Variants in ST7 observed in about 807,000 individuals in gnomAD.
ST7 encodes the protein suppressor of tumorigenicity 7 protein.
A neutral mutation model predicts 78.7 loss-of-function variants in ST7; 28 were observed. The ratio of observed to expected loss-of-function variants is 0.36; its 90% CI spans 0.26 to 0.49. The LOEUF is 0.49. Ranked by LOEUF, ST7 falls within the 20% of genes least tolerant of loss-of-function variation. The probability of loss-of-function intolerance (pLI) is 0.99; values close to 1 mark genes in which losing one functional copy is unlikely to be tolerated. For missense variants in ST7, 418 were observed against 696.0 expected (o/e 0.60, Z 4.49); for synonymous variants, 247 against 249.6 (o/e 0.99, Z 0.10).
chr7:116,993,649 G>A (rs1224097320), intron 1 of ST7, among the ~76,000 whole-genome samples: 1 of 152,234 alleles, frequency 6.6e-6, no homozygotes, highest in Non-Finnish European at 1.5e-5. Context: ...TTCAGTGTTT[G>A]GCATGGGCCA....
At chr7:117,147,112 C>T (rs1805856035) in intron 9 of ST7, among the ~76,000 whole-genome samples, 1 of 152,050 alleles carries the variant, frequency 6.6e-6, no homozygotes, top group Admixed American at 6.6e-5. Context: ...TTACTCAACA[C>T]TGTTTTTCAA....
intron 9 of ST7, among the ~76,000 whole-genome samples, chr7:117,149,592 C>CTTTTT (rs59067333): frequency 6.0e-5 from 5 of 83,954 alleles, no homozygotes; most frequent in Non-Finnish European, 1.2e-4. Flanking sequence ...CGTGTCCTAC[C>CTTTTT]TTTTTTTTTT....
intron 9 of ST7, among the ~76,000 whole-genome samples, chr7:117,145,880 C>T (rs966495482): frequency 5.3e-5 from 8 of 152,086 alleles, no homozygotes; most frequent in African/African-American, 1.9e-4. Context: ...CATGTTAAAC[C>T]CACTCTCAGC....
intron 6 of ST7, among the ~76,000 whole-genome samples, chr7:117,132,680 A>G (rs900193951): frequency 4.2e-5 from 6 of 144,036 alleles, no homozygotes; most frequent in African/African-American, 1.3e-4. Context: ...GATCTTAGGG[A>G]AAAAAAAAAA....
chr7:117,196,883 A>G (rs1045797150), intron 12 of ST7, among the ~76,000 whole-genome samples: 4 of 151,882 alleles, frequency 2.6e-5, no homozygotes, highest in Admixed American at 1.3e-4. Flanking sequence ...AATGTCATGA[A>G]GTTTTTCGCT....
At chr7:117,053,995 G>T (rs903310640) in intron 1 of ST7, among the ~76,000 whole-genome samples, 6 of 151,996 alleles carry the variant, frequency 3.9e-5, no homozygotes, top group African/African-American at 1.2e-4. Context: ...GCTCCACCAG[G>T]CCTGGCTAAT....
intron 1 of ST7, among the ~76,000 whole-genome samples, chr7:117,054,800 A>C (rs1462803937): frequency 6.6e-6 from 1 of 152,228 alleles, no homozygotes; most frequent in Non-Finnish European, 1.5e-5. Flanking sequence ...TGGACATGCC[A>C]GGAAAATGCA....
At chr7:117,149,592 C>CTTT (rs59067333) in intron 9 of ST7, among the ~76,000 whole-genome samples, 31 of 83,920 alleles carry the variant, frequency 3.7e-4, no homozygotes, top group Admixed American at 6.2e-4. Flanking sequence ...CGTGTCCTAC[C>CTTT]TTTTTTTTTT....
intron 10 of ST7, among the ~76,000 whole-genome samples, chr7:117,182,366 A>G (rs1052612332): frequency 3.9e-5 from 6 of 152,204 alleles, no homozygotes; most frequent in Non-Finnish European, 7.3e-5. Flanking sequence ...GGAAGAAGAT[A>G]TGGAGGGAGC....
At chr7:117,197,328 ACTT>A (rs1810411982) in intron 12 of ST7, among the ~76,000 whole-genome samples, 2 of 152,312 alleles carry the variant, frequency 1.3e-5, no homozygotes, top group African/African-American at 4.8e-5. Context: ...AGCGTAATCT[ACTT>A]CTTGAGTCCT....
At chr7:117,222,719 TC>T in intron 15 of ST7, 1 of 693,704 alleles carries the variant, frequency 1.4e-6, no homozygotes, top group Non-Finnish European at 2.6e-6. Context: ...AGTTTACTGA[TC>T]TTGCCACAGA....
chr7:117,143,622 A>G (rs1228126731), intron 9 of ST7, among the ~76,000 whole-genome samples: 1 of 152,130 alleles, frequency 6.6e-6, no homozygotes, highest in Non-Finnish European at 1.5e-5. Context: ...AACCCTTGAC[A>G]TTGGTGCTTG....
At chr7:117,169,137 CT>C (rs36088347) in intron 9 of ST7, among the ~76,000 whole-genome samples, 19,588 of 110,306 alleles carry the variant, frequency 0.18, 949 homozygotes, top group African/African-American at 0.28. Context: ...AATCTTCTTC[CT>C]TTTTTTTTTT....
intron 13 of ST7, among the ~76,000 whole-genome samples, chr7:117,211,038 G>A (rs1185081997): frequency 3.9e-5 from 6 of 151,942 alleles, no homozygotes; most frequent in Admixed American, 1.3e-4. Flanking sequence ...TCCCTTTTCC[G>A]GCCCTTCCCT....
At position 117,221,974 on chromosome 7, in the gene ST7, T is replaced by G; in HGVS notation, c.1550T>G (p.Leu517Arg). The G allele has an allele frequency of 6.2e-7, 1 of 1,613,196 alleles. No individual in the cohort carries two copies. The highest frequency in any genetic ancestry group is 8.5e-7 in the Non-Finnish European group (1 of 1,179,638). Residue 517 changes from leucine (L) to arginine (R), a missense_variant, in exon 15 of 16, where the codon CTC becomes CGC. Coordinates refer to ENST00000323984, the MANE Select transcript of ST7 (RefSeq NM_001369598.1). ...YPKKELPFFI[L>R]FTAGLCSFTA... ...AAGAAGGAGCTTCCCTTCTTTATTC[T>G]CTTTACTGCTGGATTATGTTCCTTC...
At chr7:116,963,595 T>C (rs1003130532) in intron 1 of ST7, among the ~76,000 whole-genome samples, 3 of 152,124 alleles carry the variant, frequency 2.0e-5, no homozygotes, top group African/African-American at 7.2e-5. Flanking sequence ...GTTACACTTA[T>C]ACTCTGTGGA....
At chr7:117,101,198 T>C (rs1469702879) in intron 2 of ST7, among the ~76,000 whole-genome samples, 1 of 152,198 alleles carries the variant, frequency 6.6e-6, no homozygotes, top group Admixed American at 6.5e-5. Flanking sequence ...ATTGTTAAAC[T>C]CGTGGCATGA....
chr7:117,012,266 G>T (rs1795416520), intron 1 of ST7, among the ~76,000 whole-genome samples: 2 of 151,330 alleles, frequency 1.3e-5, no homozygotes, highest in South Asian at 2.1e-4. Context: ...TTATTGGAAA[G>T]AACCTAGTTT....
chr7:117,190,989 C>G lies in ST7; in HGVS notation c.1254+53C>G, dbSNP rs1809723074. ...TCGTTATGATAGCAGAGAAAGCATT[C>G]ATTGACCACAGTGTTGTATCTCAAG... On this transcript the variant is annotated intron_variant, in intron 12 of 15. Coordinates refer to ENST00000323984, the MANE Select transcript of ST7 (RefSeq NM_001369598.1). The surrounding 1 kb of genome is among the most constrained non-coding windows in gnomAD (Gnocchi z 5.2). 3 of 1,394,990 alleles carry G rather than the reference C, an allele frequency of 2.2e-6. No homozygotes were observed. In the East Asian group the frequency reaches 6.8e-5, roughly 32 times the overall value. 86.4% of individuals were successfully genotyped at this position (1,394,990 alleles called of 1,614,324 possible).
Sources: allele counts gnomAD v4.1 joint callset (sites outside exome capture counted in the v4.1 genomes callset), GRCh38; gene constraint gnomAD v4.1.1; non-coding constraint Gnocchi (gnomAD v3.1); transcripts MANE v1.5; gene names NCBI Gene and HGNC (gene_info 2026-07-23, HGNC 2026-07-21).